The following ENTPD6 variants were observed in gnomAD, a reference collection of about 807,000 sequenced individuals.
ENTPD6 encodes ectonucleoside triphosphate diphosphohydrolase 6.
Under a neutral mutation model 61.5 loss-of-function variants are expected in ENTPD6, and 46 were observed. That is an observed-to-expected ratio of 0.75 (90% confidence interval 0.59 to 0.96). ENTPD6 has a LOEUF of 0.96. Among genes scored for constraint, ENTPD6 ranks in the 40% least tolerant of loss-of-function variants. ENTPD6 has a pLI of 0.00. For missense variants in ENTPD6, 612 were observed against 629.0 expected, an observed-to-expected ratio of 0.97 and a Z score of 0.29; for synonymous variants, 252 against 255.5, an observed-to-expected ratio of 0.99 and a Z score of 0.13.
intron 9 of ENTPD6, among the ~76,000 whole-genome samples, chr20:25,218,007 CCTT>C (rs2092427341): frequency 6.8e-6 from 1 of 146,274 alleles, no homozygotes; most frequent in Non-Finnish European, 1.5e-5. Flanking sequence ...CTGTCCTCCT[CCTT>C]CATCCTTTAA....
intron 4 of ENTPD6, among the ~76,000 whole-genome samples, chr20:25,211,231 G>T (rs1267367065): frequency 3.3e-5 from 5 of 152,182 alleles, no homozygotes; most frequent in African/African-American, 1.2e-4. Context: ...TGTAGTTCAA[G>T]CCTTGCTTTC....
At chr20:25,218,996 C>T (rs1405009005) in intron 10 of ENTPD6, among the ~76,000 whole-genome samples, 1 of 152,236 alleles carries the variant, frequency 6.6e-6, no homozygotes. Flanking sequence ...ATTTTCATAC[C>T]TCCGCCTCCC....
In ENTPD6 at chr20:25,225,911, C is replaced by T. The variant is rs2092784520; in HGVS notation, c.*314C>T. ...TGTGGCTCCCTGCCTGTCCCATCCCCATGCCCCGTCCGCGGGGCTGTGGCT... is the reference window on the plus strand; with the variant it reads ...TGTGGCTCCCTGCCTGTCCCATCCCTATGCCCCGTCCGCGGGGCTGTGGCT... On this transcript the variant is annotated 3_prime_UTR_variant, in exon 15 of 15. Transcript: ENST00000376652. The T allele has an allele frequency of 3.7e-6, 1 of 268,496 alleles. No individual in the cohort carries two copies. 16.6% of individuals were successfully genotyped at this position (268,496 alleles called of 1,614,324 possible). A position where few individuals can be genotyped will look rare whatever the true frequency, so the allele number is the denominator to read the frequency against.
intron 2 of ENTPD6, 71 bp from the exon 3 acceptor site, chr20:25,207,005 G>A: frequency 1.4e-6 from 2 of 1,391,542 alleles, no homozygotes; most frequent in Non-Finnish European, 9.8e-7. Flanking sequence ...CCCTGGGCCT[G>A]GGGACGTCTG....
chr20:25,223,035 G>GGGGGGGT, intron 12 of ENTPD6, 57 bp downstream of exon 12: 26 of 1,109,570 alleles, frequency 2.3e-5, no homozygotes, highest in Non-Finnish European at 3.1e-5. Context: ...GGCGGGGGTG[G>GGGGGGGT]AGGGCGTGTG....
chr20:25,197,004 G>T, intron 1 of ENTPD6: 1 of 751,620 alleles, frequency 1.3e-6, no homozygotes, highest in Non-Finnish European at 1.6e-6. Flanking sequence ...TGGTGTTGAC[G>T]GGCGGTTCAC....
At chr20:25,209,785 T>G in intron 3 of ENTPD6, 64 bp from the exon 4 acceptor site, 1 of 1,399,802 alleles carries the variant, frequency 7.1e-7, no homozygotes, top group Non-Finnish European at 1.0e-6. Flanking sequence ...TGGCTAGTCA[T>G]GATTGTATGT....
intron 4 of ENTPD6, among the ~76,000 whole-genome samples, chr20:25,211,575 G>T (rs561902780): frequency 6.6e-6 from 1 of 152,318 alleles, no homozygotes; most frequent in East Asian, 1.9e-4. Flanking sequence ...GAGGCCTTTG[G>T]CTTTGCTGCT....
chr20:25,221,044 G>A (rs903423819), intron 10 of ENTPD6, among the ~76,000 whole-genome samples, 188 bp from the exon 11 acceptor site: 2 of 152,216 alleles, frequency 1.3e-5, no homozygotes, highest in African/African-American at 2.4e-5. Context: ...TCCTGGTAGC[G>A]GTGTGCTTCC....
chr20:25,207,220 G>A lies in ENTPD6; in HGVS notation c.199G>A (p.Ala67Thr), dbSNP rs200024189. 4.8e-4 allele frequency: 778 copies of A among 1,614,064 alleles called. No homozygotes were observed. Among genetic ancestry groups the A allele is most frequent in the Non-Finnish European group, 6.3e-4 (739 of 1,180,020 alleles). The change falls in exon 3 of 15, where the codon GCC becomes ACC. Residue 67 changes from alanine to threonine, a missense_variant. By Grantham distance (58) the Ala-to-Thr change is moderately conservative. Coordinates refer to ENST00000376652, the MANE Select transcript of ENTPD6 (RefSeq NM_001247.5). ...VAYIKWHRAT[A>T]TQAFFSITRA... ...CTACATCAAGTGGCACCGGGCCACCGCCACCCAGGCCTTCTTCAGCATCAC... is the reference window on the plus strand; with the variant it reads ...CTACATCAAGTGGCACCGGGCCACCACCACCCAGGCCTTCTTCAGCATCAC...
Position 25,227,754 on chromosome 20 carries a change from T to G in ENTPD6, c.*2157T>G, listed in dbSNP as rs1314966509. 6.6e-6 allele frequency among the ~76,000 whole-genome samples: 1 copy of G among 152,246 alleles called. No individual in the cohort carries two copies. The highest frequency in any genetic ancestry group is 2.4e-5 in the African/African-American group (1 of 41,464). On this transcript the variant is annotated 3_prime_UTR_variant, in exon 15 of 15. Coordinates refer to ENST00000376652, the MANE Select transcript of ENTPD6 (RefSeq NM_001247.5). The stretch of plus-strand genomic sequence containing the variant: ...GCCTCAGTCCTGCAGTCCCCGTGTT[T>G]GGATGGCAGGATCCCAGGGCAGTGA...
intron 7 of ENTPD6, 132 bp downstream of exon 7, chr20:25,215,843 C>T: frequency 1.0e-6 from 1 of 972,780 alleles, no homozygotes; most frequent in Admixed American, 1.8e-5. Context: ...GTGTTGCTGA[C>T]TGACCATAGG....
chr20:25,197,917 G>A (rs2090638811), intron 1 of ENTPD6, among the ~76,000 whole-genome samples: 3 of 152,076 alleles, frequency 2.0e-5, no homozygotes, highest in Admixed American at 2.0e-4. Flanking sequence ...CTGAAGCCAG[G>A]GACTCTTGTG....
At chr20:25,222,799 T>TC in intron 11 of ENTPD6, 39 bp from the exon 12 acceptor site, 2 of 1,607,398 alleles carry the variant, frequency 1.2e-6, no homozygotes, top group Admixed American at 1.7e-5. Context: ...GCCTGGGTGC[T>TC]CGGAGCCCAC....
chr20:25,218,663 A>G (rs1176201832), intron 10 of ENTPD6, 49 bp downstream of exon 10: 4 of 1,529,988 alleles, frequency 2.6e-6, no homozygotes, highest in Non-Finnish European at 1.8e-6. Flanking sequence ...TCTGCCCTCC[A>G]TTCTCAGTGG....
chr20:25,206,688 T>G (rs2091526028), intron 2 of ENTPD6, 98 bp downstream of exon 2: 1 of 903,810 alleles, frequency 1.1e-6, no homozygotes, highest in Non-Finnish European at 1.9e-6. Context: ...ATTGAAAGAC[T>G]GAATCAGATA....
chr20:25,225,322 G>A lies in ENTPD6; in HGVS notation c.1356+5G>A. On this transcript the variant is annotated splice_donor_5th_base_variant and intron_variant, in intron 14 of 14. Transcript: ENST00000376652. The stretch of plus-strand genomic sequence containing the variant: ...CCCAGGAGCAAAGTGCTGAAGGTAA[G>A]GGTGCCCTCAGGTCACGCCCCAGCC... 1 of 1,612,566 alleles carries A rather than the reference G, an allele frequency of 6.2e-7. No homozygotes were observed. Among genetic ancestry groups the A allele is most frequent in the East Asian group, 2.2e-5 (1 of 44,852 alleles).
chr20:25,225,463 G>C, intron 14 of ENTPD6, 36 bp from the exon 15 acceptor site: 1 of 1,602,300 alleles, frequency 6.2e-7, no homozygotes. Flanking sequence ...TTTCCTGTCT[G>C]TGTGATGGTC....
At chr20:25,204,161 G>C (rs1213945772) in intron 1 of ENTPD6, among the ~76,000 whole-genome samples, 1 of 152,192 alleles carries the variant, frequency 6.6e-6, no homozygotes, top group African/African-American at 2.4e-5. Flanking sequence ...GGGGTTTGGT[G>C]GTGTGATGTG....
Sources: allele counts gnomAD v4.1 joint callset (sites outside exome capture counted in the v4.1 genomes callset), GRCh38; gene constraint gnomAD v4.1.1; transcripts MANE v1.5; gene names NCBI Gene and HGNC (gene_info 2026-07-23, HGNC 2026-07-21).